SVIL: variants seen among roughly 807,000 people sequenced by gnomAD.
SVIL encodes the protein supervillin, also known as archvillin.
In SVIL, 101 loss-of-function variants were observed where a neutral mutation model predicts 240.4. The observed-to-expected ratio is 0.42, with a 90% CI of 0.36 to 0.50. The LOEUF is 0.50. Ranked by LOEUF, SVIL falls within the 20% of genes least tolerant of loss-of-function variation. SVIL has a pLI of 0.01. For missense variants in SVIL, 2,512 were observed against 2,818.7 expected (o/e 0.89, Z 2.46); for synonymous variants, 999 against 1,100.0 (o/e 0.91, Z 1.82).
intron 1 of SVIL, among the ~76,000 whole-genome samples, chr10:29,626,129 T>C (rs554806820): frequency 7.9e-5 from 12 of 152,204 alleles, no homozygotes; most frequent in Non-Finnish European, 1.5e-4. Context: ...GCATGGTGAC[T>C]ATAGTTGCTA....
At chr10:29,491,625 C>T (rs1287636198) in intron 21 of SVIL, among the ~76,000 whole-genome samples, 1 of 152,132 alleles carries the variant, frequency 6.6e-6, no homozygotes, top group Non-Finnish European at 1.5e-5. Context: ...ACCCCACATT[C>T]TCACAATTCT....
At chr10:29,645,180 G>A (rs1958616382) in intron 3 of SVIL, among the ~76,000 whole-genome samples, 1 of 152,094 alleles carries the variant, frequency 6.6e-6, no homozygotes, top group African/African-American at 2.4e-5. Context: ...GATTCCTACA[G>A]TGCCATCAAA....
intron 23 of SVIL, chr10:29,487,764 T>C (rs1055108): frequency 0.47 from 71,882 of 152,234 alleles, 17,169 homozygotes; most frequent in East Asian, 0.57. Flanking sequence ...ACAGGAAGGA[T>C]GGAGGCGCCA....
rs1467800531 is a variant in SVIL, at chr10:29,473,957, T to G, written c.5410A>C (p.Arg1804=). ...GSRQKGEHSV[R]AAGKEKCVYF... ...ACGCACTTCTCTTTGCCGGCTGCCC[T>G]CACCGAGTGCTCTCCCTTCTGGCGA... is the stretch of plus-strand genomic sequence containing the variant. Residue 1804 remains arginine (R), a synonymous_variant, in exon 30 of 38, where the codon AGG becomes CGG. Transcript: ENST00000355867. 6.2e-7 allele frequency: 1 copy of G among 1,613,930 alleles called. No homozygotes were observed. Among genetic ancestry groups the G allele is most frequent in the Admixed American group, 1.7e-5 (1 of 60,024 alleles).
chr10:29,679,003 C>T (rs182611978), intron 2 of SVIL, among the ~76,000 whole-genome samples: 460 of 152,196 alleles, frequency 3.0e-3, no homozygotes, highest in African/African-American at 0.01. Context: ...GTCAGGAGTT[C>T]GAGACCAGCC....
chr10:29,487,325 T>C (rs1419272122), intron 23 of SVIL, 26 bp from the exon 24 acceptor site: 2 of 1,613,524 alleles, frequency 1.2e-6, no homozygotes, highest in African/African-American at 2.7e-5. Flanking sequence ...ACAGTCACCG[T>C]CTTTCCAGAC....
intron 1 of SVIL, among the ~76,000 whole-genome samples, chr10:29,593,999 G>A (rs1054718569): frequency 2.0e-5 from 3 of 152,132 alleles, no homozygotes; most frequent in Admixed American, 2.0e-4. Flanking sequence ...ACTACAGGTT[G>A]AGCATCCCTA....
intron 3 of SVIL, among the ~76,000 whole-genome samples, chr10:29,652,558 G>A (rs964511392): frequency 5.9e-5 from 9 of 152,106 alleles, no homozygotes; most frequent in African/African-American, 1.9e-4. Flanking sequence ...ATATGTATAG[G>A]TATGTATCCT....
intron 18 of SVIL, among the ~76,000 whole-genome samples, chr10:29,496,185 C>T (rs955476294): frequency 3.9e-5 from 6 of 152,076 alleles, no homozygotes; most frequent in Non-Finnish European, 8.8e-5. Context: ...ATAAAAAAAA[C>T]CATTAAATGG....
Position 29,488,744 on chromosome 10 carries a change from G to A in SVIL, c.4205C>T (p.Ser1402Phe), listed in dbSNP as rs200637850. The A allele has an allele frequency of 8.9e-5, 143 of 1,612,310 alleles. No homozygotes were observed. The highest frequency in any genetic ancestry group is 8.4e-5 in the Admixed American group (5 of 59,644). The change falls in exon 23 of 38, where the codon TCC becomes TTC. Residue 1402 changes from serine to phenylalanine, a missense_variant. Around this residue, in one of 3 missense-constraint regions of SVIL, gnomAD observed 272 missense variants for 406.8 expected, o/e 0.67. Transcript: ENST00000355867. Reference sequence around the variant, plus strand: ...CGCCAGGGTGACTTCTGAGAAGTTGGAGTTGGAAGACACTGGGCACGTTGA... The same window carrying A: ...CGCCAGGGTGACTTCTGAGAAGTTGAAGTTGGAAGACACTGGGCACGTTGA... ...RMKVEKMSSN[S>F]NFSEVTLAGL...
chr10:29,706,274 C>A (rs1040153398), intron 1 of SVIL, among the ~76,000 whole-genome samples: 1 of 152,170 alleles, frequency 6.6e-6, no homozygotes, highest in African/African-American at 2.4e-5. Context: ...ACATTCCCAC[C>A]AACAGTGTAA....
intron 17 of SVIL, among the ~76,000 whole-genome samples, chr10:29,501,026 C>G (rs956515908): frequency 6.6e-6 from 1 of 152,166 alleles, no homozygotes; most frequent in African/African-American, 2.4e-5. Context: ...AAGCTATGAA[C>G]GTGGACTTCT....
chr10:29,551,293 C>A (rs761440649), intron 5 of SVIL, 30 bp from the exon 6 acceptor site: 1 of 1,541,420 alleles, frequency 6.5e-7, no homozygotes, highest in South Asian at 1.2e-5. Flanking sequence ...ATGAGAGGTG[C>A]AGATTTCAAG....
chr10:29,466,351 CCTTT>C (rs1363748940), intron 33 of SVIL, among the ~76,000 whole-genome samples: 1 of 151,958 alleles, frequency 6.6e-6, no homozygotes, highest in African/African-American at 2.4e-5. Context: ...CTATCTGTCT[CCTTT>C]CATCAATTTG....
intron 30 of SVIL, chr10:29,473,616 A>G: frequency 1.0e-5 from 6 of 601,256 alleles, no homozygotes; most frequent in Non-Finnish European, 1.7e-5. Flanking sequence ...CTATTTGCAG[A>G]TACAACATTT....
At chr10:29,650,091 TC>T (rs1169895997) in intron 3 of SVIL, among the ~76,000 whole-genome samples, 1 of 152,204 alleles carries the variant, frequency 6.6e-6, no homozygotes, top group African/African-American at 2.4e-5. Context: ...TTTTATTGTT[TC>T]TAAACTACCC....
intron 16 of SVIL, among the ~76,000 whole-genome samples, chr10:29,517,665 T>C (rs7917094): frequency 0.43 from 65,793 of 151,694 alleles, 14,867 homozygotes; most frequent in African/African-American, 0.54. Flanking sequence ...CTCCAGCCGG[T>C]CCCTCTAGGG....
At position 29,647,922 on chromosome 10, in the gene SVIL, G is replaced by A. The variant is rs555544514; in HGVS notation, c.-201+10047C>T. On this transcript the variant is annotated intron_variant, in intron 3 of 35. Transcript: ENST00000375400. ...ACCCCCTACATTTTTTACTTAAAAA[G>A]TCAAATTAGTGGCATTTTTAATTGA... 1.3e-4 allele frequency among the ~76,000 whole-genome samples: 18 copies of A among 137,820 alleles called. No individual in the cohort carries two copies. The East Asian group carries it at 3.9e-3, about 30-fold the overall frequency. The allele number at this position is 137,820 out of a possible 152,430, so 90.4% of individuals were successfully genotyped here. A position where few individuals can be genotyped will look rare whatever the true frequency, so the allele number is the denominator to read the frequency against.
At chr10:29,556,530 A>G (rs1766927530) in intron 3 of SVIL, among the ~76,000 whole-genome samples, 1 of 152,164 alleles carries the variant, frequency 6.6e-6, no homozygotes, top group Non-Finnish European at 1.5e-5. Context: ...TTTTTAAGTG[A>G]TAGCCACCTT....
Sources: gnomAD v4.1 joint callset for allele counts (sites outside exome capture counted in the v4.1 genomes callset) on GRCh38, gnomAD v4.1.1 for gene constraint, gnomAD v4.1.1 regional missense constraint, MANE v1.5 for transcripts, NCBI Gene and HGNC (gene_info 2026-07-23, HGNC 2026-07-21) for gene names.